NXF1: variants seen among roughly 807,000 people sequenced by gnomAD.
NXF1 encodes mRNA export factor TAP.
NXF1 carries 43 observed loss-of-function variants against 92.4 expected under a neutral mutation model. The ratio of observed to expected loss-of-function variants is 0.47; its 90% CI spans 0.36 to 0.60. The LOEUF (loss-of-function observed/expected upper bound fraction) is 0.60. Ranked by LOEUF, NXF1 falls within the 20% of genes least tolerant of loss-of-function variation. The pLI is 0.00. For missense variants in NXF1, 576 were observed against 793.0 expected, an observed-to-expected ratio of 0.73 and a Z score of 3.29; for synonymous variants, 288 against 292.2, an observed-to-expected ratio of 0.99 and a Z score of 0.15.
chr11:62,792,240 T>C lies in NXF1; in HGVS notation c.*236A>G. 1.5e-6 allele frequency: 1 copy of C among 677,788 alleles called. No individual in the cohort carries two copies. Among genetic ancestry groups the C allele is most frequent in the East Asian group, 2.5e-5 (1 of 39,462 alleles). The allele number at this position is 677,788 out of a possible 1,614,324, so 42.0% of individuals were successfully genotyped here. On this transcript the variant is annotated 3_prime_UTR_variant, in exon 21 of 21. Coordinates refer to ENST00000294172, the MANE Select transcript of NXF1 (RefSeq NM_006362.5). ...TAAGTACACAAAGCACCTAAGTCCTTCGGGTAGTTTAGTGTCAGTTCTACA... is the reference window on the plus strand; with the variant it reads ...TAAGTACACAAAGCACCTAAGTCCTCCGGGTAGTTTAGTGTCAGTTCTACA...
chr11:62,796,877 G>A, intron 13 of NXF1: 2 of 537,186 alleles, frequency 3.7e-6, no homozygotes, highest in Admixed American at 3.2e-5. Context: ...GACCAGCCTG[G>A]CCAACATAGT....
rs529351154 is a variant in NXF1 at position 62,799,912 on chromosome 11, G to C, written c.1016+465C>G. 5.9e-5 allele frequency: 58 copies of C among 987,804 alleles called. No individual in the cohort carries two copies. In the African/African-American group the frequency reaches 7.7e-4, roughly 13 times the overall value. The allele number at this position is 987,804 out of a possible 1,614,324, so 61.2% of individuals were successfully genotyped here. A position where few individuals can be genotyped will look rare whatever the true frequency, so the allele number is the denominator to read the frequency against. ...TCCTGAGAAAAGGGTCCCTCTTGGCGCAAGGGCAAGAGGGGCCATCACAGT... is the reference window on the plus strand; with the variant it reads ...TCCTGAGAAAAGGGTCCCTCTTGGCCCAAGGGCAAGAGGGGCCATCACAGT... On this transcript the variant is annotated intron_variant, in intron 10 of 20. Transcript: ENST00000294172.
intron 3 of NXF1, 152 bp downstream of exon 3, chr11:62,803,267 G>C: frequency 3.4e-6 from 2 of 586,052 alleles, no homozygotes; most frequent in Non-Finnish European, 5.6e-6. Context: ...AGTGAGCCGA[G>C]ATCACGCCAC....
intron 10 of NXF1, chr11:62,799,455 T>C (rs1337218467): frequency 6.1e-6 from 6 of 985,632 alleles, no homozygotes; most frequent in Admixed American, 6.2e-5. Context: ...CCCTGTAGGA[T>C]TGTGGGGGTG....
At chr11:62,802,527 C>T (rs949018899) in intron 3 of NXF1, among the ~76,000 whole-genome samples, 1 of 152,188 alleles carries the variant, frequency 6.6e-6, no homozygotes, top group Non-Finnish European at 1.5e-5. Flanking sequence ...GCCTTCATTT[C>T]CTAGGCTCAA....
Position 62,801,939 on chromosome 11 carries a change from C to T in NXF1, c.558+3G>A. Reference sequence around the variant, plus strand: ...CCAGCCAAGCCAGGCCCTTTAAACACACCCTTCGGTTCTCCCGATCCAAAA... The same window carrying T: ...CCAGCCAAGCCAGGCCCTTTAAACATACCCTTCGGTTCTCCCGATCCAAAA... On this transcript the variant is annotated splice_donor_region_variant and intron_variant, in intron 5 of 20. Coordinates refer to ENST00000294172, the MANE Select transcript of NXF1 (RefSeq NM_006362.5). The T allele has an allele frequency of 6.2e-7, 1 of 1,614,116 alleles. No individual in the cohort carries two copies. The highest frequency in any genetic ancestry group is 8.5e-7 in the Non-Finnish European group (1 of 1,179,902).
At chr11:62,800,659 G>A (rs1346382969) in intron 9 of NXF1, among the ~76,000 whole-genome samples, 173 bp from the exon 10 acceptor site, 1 of 147,116 alleles carries the variant, frequency 6.8e-6, no homozygotes, top group Non-Finnish European at 1.5e-5. Flanking sequence ...GTTCAGTGCC[G>A]TGGCATGATC....
chr11:62,797,066 CAAAAAAA>C (rs1160921166), intron 13 of NXF1, 110 bp downstream of exon 13: 5 of 611,704 alleles, frequency 8.2e-6, no homozygotes, highest in Admixed American at 3.8e-5. Flanking sequence ...AGACACTGTC[CAAAAAAA>C]AAAAAAAAAA....
chr11:62,797,066 C>CAA (rs1160921166), intron 13 of NXF1, 117 bp downstream of exon 13: 14,316 of 595,434 alleles, frequency 0.024, 1 homozygote, highest in East Asian at 0.03. Flanking sequence ...AGACACTGTC[C>CAA]AAAAAAAAAA....
intron 11 of NXF1, 62 bp from the exon 12 acceptor site, chr11:62,797,448 C>T: frequency 3.4e-6 from 5 of 1,483,442 alleles, no homozygotes; most frequent in Non-Finnish European, 4.6e-6. Context: ...ACCTGTGATC[C>T]CAGAACTTTG....
At position 62,801,095 on chromosome 11, in the gene NXF1, T is replaced by C; in HGVS notation, c.905A>G (p.Glu302Gly). 6.2e-7 allele frequency: 1 copy of C among 1,611,986 alleles called. No homozygotes were observed. ...TATAGCCGAGCTATCAATTCTCACTTCATTTCCAGAAAGGTTTAGGATCTT... is the reference window on the plus strand; with the variant it reads ...TATAGCCGAGCTATCAATTCTCACTCCATTTCCAGAAAGGTTTAGGATCTT... ...NLKILNLSGN[E>G]LKSERELDKI... The change falls in exon 9 of 21, where the codon GAA becomes GGA. Residue 302 changes from glutamate (E) to glycine (G), a missense_variant and splice_region_variant. Coordinates refer to ENST00000294172, the MANE Select transcript of NXF1 (RefSeq NM_006362.5).
intron 1 of NXF1, among the ~76,000 whole-genome samples, chr11:62,804,686 C>A (rs943596186): frequency 6.6e-6 from 1 of 152,214 alleles, no homozygotes; most frequent in African/African-American, 2.4e-5. Flanking sequence ...AGCTAACATT[C>A]ACTGAGAACT....
chr11:62,802,489 T>G (rs756654784), intron 3 of NXF1, among the ~76,000 whole-genome samples: 10 of 152,236 alleles, frequency 6.6e-5, no homozygotes, highest in Non-Finnish European at 1.2e-4. Flanking sequence ...CAGGCTGGAG[T>G]GCAGTGGTGC....
At position 62,803,572 on chromosome 11, in the gene NXF1, G is replaced by A. The variant is rs778445025; in HGVS notation, c.216C>T (p.Tyr72=). The A allele has an allele frequency of 2.5e-5, 41 of 1,613,932 alleles. No individual in the cohort carries two copies. The highest frequency in any genetic ancestry group is 3.5e-5 in the Non-Finnish European group (41 of 1,180,016). The change falls in exon 3 of 21, where the codon TAC becomes TAT. Residue 72 remains tyrosine (Y), a splice_region_variant and synonymous_variant. Transcript: ENST00000294172. ...SDAQDGPRVR[Y]NPYTTRPNRR... The stretch of plus-strand genomic sequence containing the variant: ...GGTTAGGTCGGGTGGTATAGGGGTT[G>A]CTGTGGGTAAGCAGAGAATAAAATG...
chr11:62,796,763 C>G (rs567315608), intron 13 of NXF1, among the ~76,000 whole-genome samples, 196 bp from the exon 14 acceptor site: 1 of 152,074 alleles, frequency 6.6e-6, no homozygotes, highest in African/African-American at 2.4e-5. Context: ...GAAACCCTGT[C>G]TCTACTAAAA....
In NXF1 at chr11:62,798,589, G is replaced by C. The variant is rs761928115; in HGVS notation, c.1017-14C>G. ...TCGCGAATGGCGCTGTCAAGAACGG[G>C]ACAGAAGTGAGTGATGCTTCAGAGC... is the stretch of plus-strand genomic sequence containing the variant. On this transcript the variant is annotated splice_polypyrimidine_tract_variant and intron_variant, in intron 10 of 20. Transcript: ENST00000294172. 6.2e-7 allele frequency: 1 copy of C among 1,614,026 alleles called. No individual in the cohort carries two copies. The highest frequency in any genetic ancestry group is 1.1e-5 in the South Asian group (1 of 91,062).
At chr11:62,803,303 A>G (rs1467366379) in intron 3 of NXF1, 116 bp downstream of exon 3, 2 of 868,060 alleles carry the variant, frequency 2.3e-6, no homozygotes, top group Non-Finnish European at 3.4e-6. Context: ...GTGACAGAGC[A>G]AGACTCCATT....
intron 19 of NXF1, among the ~76,000 whole-genome samples, chr11:62,792,976 G>T (rs1268954585): frequency 6.6e-6 from 1 of 152,106 alleles, no homozygotes; most frequent in African/African-American, 2.4e-5. Flanking sequence ...CTAAGTTGCA[G>T]AACAGTATAT....
rs1170106748 is a variant in NXF1 at position 62,797,047 on chromosome 11, G to A, written c.1178+136C>T. Reference sequence around the variant, plus strand: ...CACACCATTGCACTCCAGCCTGGGTGACACAGTGAGACACTGTCCAAAAAA... The same window carrying A: ...CACACCATTGCACTCCAGCCTGGGTAACACAGTGAGACACTGTCCAAAAAA... On this transcript the variant is annotated intron_variant, in intron 13 of 20. Coordinates refer to ENST00000294172, the MANE Select transcript of NXF1 (RefSeq NM_006362.5). 24 of 727,552 alleles carry A rather than the reference G, an allele frequency of 3.3e-5. No individual in the cohort carries two copies. In the African/African-American group the frequency reaches 4.9e-4, roughly 15 times the overall value. The allele number at this position is 727,552 out of a possible 1,614,324, so 45.1% of individuals were successfully genotyped here.
Sources: gnomAD v4.1 joint callset for allele counts (sites outside exome capture counted in the v4.1 genomes callset) on GRCh38, gnomAD v4.1.1 for gene constraint, MANE v1.5 for transcripts, NCBI Gene and HGNC (gene_info 2026-07-23, HGNC 2026-07-21) for gene names.